Variants in PAN3 observed in about 807,000 individuals in gnomAD.
PAN3 encodes poly(A) specific ribonuclease subunit PAN3.
PAN3 carries 19 observed loss-of-function variants against 96.2 expected under a neutral mutation model. The ratio of observed to expected loss-of-function variants is 0.20; its 90% confidence interval spans 0.14 to 0.29. The LOEUF (loss-of-function observed/expected upper bound fraction) is 0.29, where lower values mean the gene tolerates loss of function less well. Among genes scored for constraint, PAN3 ranks in the 10% least tolerant of loss-of-function variants. The pLI is 1.00. For missense variants in PAN3, 882 were observed against 1,108.1 expected (o/e 0.80, Z 2.90); for synonymous variants, 433 against 406.6 (o/e 1.06, Z -0.78).
At chr13:28,184,829 T>C (rs1876255973) in intron 4 of PAN3, among the ~76,000 whole-genome samples, 1 of 152,174 alleles carries the variant, frequency 6.6e-6, no homozygotes, top group South Asian at 2.1e-4. Flanking sequence ...TATTGGGCTA[T>C]TTTTTAAATT....
intron 4 of PAN3, among the ~76,000 whole-genome samples, chr13:28,184,267 ATAAT>A (rs45449794): frequency 0.093 from 14,212 of 152,182 alleles, 810 homozygotes; most frequent in African/African-American, 0.16. Context: ...GTAAACCTAA[ATAAT>A]TATTTTATAA....
intron 1 of PAN3, among the ~76,000 whole-genome samples, chr13:28,164,234 CTTAA>C (rs1873256579): frequency 6.6e-6 from 1 of 151,960 alleles, no homozygotes; most frequent in Non-Finnish European, 1.5e-5. Flanking sequence ...TTTCATAACT[CTTAA>C]TTGAAGTTTT....
At chr13:28,182,566 G>A (rs752871209) in intron 4 of PAN3, among the ~76,000 whole-genome samples, 6 of 152,046 alleles carry the variant, frequency 3.9e-5, no homozygotes, top group Non-Finnish European at 7.4e-5. Flanking sequence ...AATTCTTTGG[G>A]GTTAGGAGGC....
intron 4 of PAN3, among the ~76,000 whole-genome samples, chr13:28,191,519 A>G (rs1877254692): frequency 6.6e-6 from 1 of 152,114 alleles, no homozygotes; most frequent in Admixed American, 6.5e-5. Flanking sequence ...ACATCCTACA[A>G]TGCACAAGAC....
intron 4 of PAN3, among the ~76,000 whole-genome samples, chr13:28,194,042 A>C (rs1048632188): frequency 2.6e-5 from 4 of 151,880 alleles, no homozygotes; most frequent in Non-Finnish European, 5.9e-5. Context: ...CTGTAATCCC[A>C]GCTACTTGGG....
chr13:28,173,779 A>T (rs1057229423), intron 1 of PAN3, among the ~76,000 whole-genome samples: 1 of 152,242 alleles, frequency 6.6e-6, no homozygotes, highest in African/African-American at 2.4e-5. Context: ...TCTAAAGAGA[A>T]CTATCAGTAT....
At chr13:28,242,056 A>G (rs922290468) in intron 6 of PAN3, among the ~76,000 whole-genome samples, 2 of 152,226 alleles carry the variant, frequency 1.3e-5, no homozygotes, top group Non-Finnish European at 2.9e-5. Context: ...ATTGACCTAG[A>G]AAAAGTAACA....
intron 5 of PAN3, among the ~76,000 whole-genome samples, chr13:28,202,653 A>G (rs1878872952): frequency 6.7e-6 from 1 of 150,152 alleles, no homozygotes; most frequent in Middle Eastern, 3.2e-3. Flanking sequence ...GAATATATAT[A>G]TGTATACACA....
chr13:28,235,136 T>G (rs1882960634), intron 6 of PAN3, among the ~76,000 whole-genome samples: 1 of 152,202 alleles, frequency 6.6e-6, no homozygotes, highest in Non-Finnish European at 1.5e-5. Context: ...CCAAATAATG[T>G]AAAGCTCCTT....
At chr13:28,288,332 C>G (rs1330906862) in intron 18 of PAN3, among the ~76,000 whole-genome samples, 2 of 152,174 alleles carry the variant, frequency 1.3e-5, no homozygotes, top group Non-Finnish European at 2.9e-5. Flanking sequence ...CAGAGTCTTG[C>G]TCTGTTGCCC....
rs184627679 is a variant in PAN3, at chr13:28,210,978, C to T, written c.853-9253C>T. ...GGAGGGTACTGGTGTAGAGATGGCT[C>T]ACTGCAGCCTTCACCTCCTGGGCTC... is the stretch of plus-strand genomic sequence containing the variant. On this transcript the variant is annotated intron_variant, in intron 5 of 18. Coordinates refer to ENST00000380958, the MANE Select transcript of PAN3 (RefSeq NM_175854.8). Among the ~76,000 whole-genome samples, 6 of 152,110 alleles carry T rather than the reference C, an allele frequency of 3.9e-5. No homozygotes were observed. In the East Asian group the frequency reaches 1.2e-3, roughly 29 times the overall value.
intron 17 of PAN3, among the ~76,000 whole-genome samples, chr13:28,282,599 G>GTGCACACACACA: frequency 1.3e-5 from 2 of 152,152 alleles, no homozygotes; most frequent in Middle Eastern, 6.8e-3. Context: ...GTGCACGCAC[G>GTGCACACACACA]TGCACACACA....
chr13:28,288,173 TAG>T, intron 18 of PAN3, 51 bp downstream of exon 18: 1 of 1,478,806 alleles, frequency 6.8e-7, no homozygotes, highest in East Asian at 2.3e-5. Context: ...ATAATTTGTA[TAG>T]AGTTGTATCT....
intron 15 of PAN3, among the ~76,000 whole-genome samples, chr13:28,280,138 A>G (rs1887347928): frequency 6.6e-6 from 1 of 152,172 alleles, no homozygotes; most frequent in Non-Finnish European, 1.5e-5. Flanking sequence ...GAGAATGGAA[A>G]TGGGTAAGTG....
In PAN3 at chr13:28,256,508, C is replaced by T. The variant is rs767014915; in HGVS notation, c.1217C>T (p.Thr406Ile). Residue 406 changes from threonine to isoleucine, a missense_variant, in exon 7 of 19, where the codon ACA (threonine) becomes ATA (isoleucine). Around this residue, in one of 3 missense-constraint regions of PAN3, gnomAD observed 364 missense variants for 513.6 expected, o/e 0.71. Coordinates refer to ENST00000380958, the MANE Select transcript of PAN3 (RefSeq NM_175854.8). ...ETVGGTTYFYTDTTPAPLTGM... is the reference protein window; with the variant it reads ...ETVGGTTYFYIDTTPAPLTGM... ...GTTGGTGGGACGACTTACTTCTATA[C>T]AGACACAACTCCAGCACCTTTGACT... is the stretch of plus-strand genomic sequence containing the variant. 7 of 1,613,868 alleles carry T rather than the reference C, an allele frequency of 4.3e-6. No individual in the cohort carries two copies.
At chr13:28,152,773 A>G (rs1001912283) in intron 1 of PAN3, among the ~76,000 whole-genome samples, 3 of 152,240 alleles carry the variant, frequency 2.0e-5, no homozygotes, top group South Asian at 4.1e-4. Context: ...AGTTTACAGA[A>G]GAAATACAAA....
At chr13:28,275,195 T>TA (rs947742114) in intron 14 of PAN3, among the ~76,000 whole-genome samples, 11 of 152,222 alleles carry the variant, frequency 7.2e-5, no homozygotes, top group African/African-American at 2.4e-4. Flanking sequence ...TTCTTTTGTT[T>TA]AAAAAAACAA....
At chr13:28,211,068 AT>A (rs540128849) in intron 5 of PAN3, among the ~76,000 whole-genome samples, 86 of 146,758 alleles carry the variant, frequency 5.9e-4, no homozygotes, top group South Asian at 6.5e-4. Flanking sequence ...ATTTAAAAAA[AT>A]TTTTTTTTTT....
chr13:28,253,931 A>G (rs184433217), intron 6 of PAN3, among the ~76,000 whole-genome samples: 3 of 152,312 alleles, frequency 2.0e-5, no homozygotes, highest in African/African-American at 2.4e-5. Flanking sequence ...GTGAATTTCT[A>G]TCTTAACTCA....
Sources: allele counts gnomAD v4.1 joint callset (sites outside exome capture counted in the v4.1 genomes callset), GRCh38; gene constraint gnomAD v4.1.1; regional missense constraint gnomAD v4.1.1; transcripts MANE v1.5; gene names NCBI Gene and HGNC (gene_info 2026-07-23, HGNC 2026-07-21).